The following CSNK1G3 variants were observed in gnomAD, a reference collection of about 807,000 sequenced individuals.
The protein encoded by CSNK1G3 is casein kinase I isoform gamma-3.
Under a neutral mutation model 64.3 loss-of-function variants are expected in CSNK1G3, and 23 were observed. The ratio of observed to expected loss-of-function variants is 0.36; its 90% CI spans 0.26 to 0.51. CSNK1G3 has a LOEUF of 0.51. Ranked by LOEUF, CSNK1G3 falls within the 20% of genes least tolerant of loss-of-function variation. The pLI, the probability that CSNK1G3 is intolerant of heterozygous loss-of-function variation, is 0.96. For missense variants in CSNK1G3, 357 were observed against 510.5 expected (o/e 0.70, Z 2.90); for synonymous variants, 158 against 162.2 (o/e 0.97, Z 0.20).
chr5:123,552,621 T>A (rs939370643), intron 2 of CSNK1G3, among the ~76,000 whole-genome samples: 2 of 152,286 alleles, frequency 1.3e-5, no homozygotes, highest in Non-Finnish European at 2.9e-5. Flanking sequence ...TGAATGTTTT[T>A]AAATATTATT....
intron 4 of CSNK1G3, among the ~76,000 whole-genome samples, chr5:123,568,121 G>A (rs949710655): frequency 1.8e-4 from 27 of 152,126 alleles, no homozygotes; most frequent in African/African-American, 3.9e-4. Context: ...ATGTGCGGTC[G>A]GTGTTGTGGT....
chr5:123,569,954 T>C (rs1247647308), intron 4 of CSNK1G3, among the ~76,000 whole-genome samples: 1 of 152,182 alleles, frequency 6.6e-6, no homozygotes, highest in African/African-American at 2.4e-5. Flanking sequence ...CTTAGCACCC[T>C]TTAAGATAAT....
At chr5:123,546,686 C>T (rs2052486) in intron 2 of CSNK1G3, among the ~76,000 whole-genome samples, 91,643 of 151,848 alleles carry the variant, frequency 0.6, 28,923 homozygotes, top group African/African-American at 0.79. Context: ...AAAAGAAAAT[C>T]TGACTTCTCA....
chr5:123,603,306 G>A, intron 10 of CSNK1G3, among the ~76,000 whole-genome samples: 1 of 152,014 alleles, frequency 6.6e-6, no homozygotes, highest in Admixed American at 6.6e-5. Flanking sequence ...TAAGGGAAAA[G>A]GAAGAAATAA....
intron 2 of CSNK1G3, among the ~76,000 whole-genome samples, chr5:123,550,484 GCAGC>G (rs1422389357): frequency 6.6e-6 from 1 of 152,164 alleles, no homozygotes; most frequent in East Asian, 1.9e-4. Flanking sequence ...CTTTAGCTGG[GCAGC>G]CATTTTCAAG....
intron 10 of CSNK1G3, among the ~76,000 whole-genome samples, chr5:123,602,581 G>A (rs79877924): frequency 0.013 from 1,904 of 152,244 alleles, 126 homozygotes; most frequent in Admixed American, 0.09. Context: ...TGGGTAGGAG[G>A]GGCATCAAAG....
intron 10 of CSNK1G3, among the ~76,000 whole-genome samples, chr5:123,600,158 G>C (rs574471505): frequency 6.6e-6 from 1 of 152,142 alleles, no homozygotes; most frequent in East Asian, 1.9e-4. Context: ...TCTCATTAGT[G>C]TGCTTTCTTA....
chr5:123,516,383 A>T (rs1384815607), intron 1 of CSNK1G3, among the ~76,000 whole-genome samples: 1 of 152,230 alleles, frequency 6.6e-6, no homozygotes, highest in African/African-American at 2.4e-5. Context: ...AGATAAATGT[A>T]GAAATATATA....
rs1476286418 is a variant in CSNK1G3, at chr5:123,539,455, AG to A, written c.-247-5961del. On this transcript the variant is annotated intron_variant, in intron 1 of 12. Transcript: ENST00000345990. ...AGCAGATTAAAAAAAAAAAAAAAAA[AG>A]ATTATCCCTGTGGGTTTTCTTTTTT... Among the ~76,000 whole-genome samples the A allele has an allele frequency of 3.6e-3, 544 of 150,634 alleles. 2 individuals are homozygous for A. The highest frequency in any genetic ancestry group is 0.012 in the African/African-American group (500 of 41,054).
chr5:123,542,849 A>AGTGTGTGTGTGTGTGTGTGTGTGT (rs66645709), intron 1 of CSNK1G3, among the ~76,000 whole-genome samples: 1 of 134,848 alleles, frequency 7.4e-6, no homozygotes, highest in African/African-American at 2.8e-5. Context: ...GCCTAGATTT[A>AGTGTGTGTGTGTGTGTGTGTGTGT]GTGTGTGTGT....
chr5:123,577,260 G>T (rs1259197412), intron 6 of CSNK1G3, among the ~76,000 whole-genome samples: 1 of 151,868 alleles, frequency 6.6e-6, no homozygotes, highest in Non-Finnish European at 1.5e-5. Context: ...TTGGATAATG[G>T]TATTTAGAAA....
In CSNK1G3 at chr5:123,536,873, A is replaced by G. The variant is rs1006929105; in HGVS notation, c.-247-8544A>G. ...CAAATCATCAGGGAAATGCAAATTAAAACCACAATGAGATATCATCTTTCT... is the reference window on the plus strand; with the variant it reads ...CAAATCATCAGGGAAATGCAAATTAGAACCACAATGAGATATCATCTTTCT... On this transcript the variant is annotated intron_variant, in intron 1 of 12. Transcript: ENST00000345990. 2.0e-5 allele frequency among the ~76,000 whole-genome samples: 3 copies of G among 152,190 alleles called. No individual in the cohort carries two copies. The South Asian group carries it at 6.2e-4, about 31-fold the overall frequency.
intron 6 of CSNK1G3, among the ~76,000 whole-genome samples, chr5:123,578,919 T>A (rs1789696589): frequency 6.6e-6 from 1 of 151,974 alleles, no homozygotes; most frequent in African/African-American, 2.4e-5. Flanking sequence ...TCAGAGAAAG[T>A]ACAAACTTAA....
intron 6 of CSNK1G3, among the ~76,000 whole-genome samples, chr5:123,578,212 T>C (rs540057159): frequency 2.1e-4 from 32 of 152,030 alleles, no homozygotes; most frequent in Non-Finnish European, 4.0e-4. Flanking sequence ...ATGGCAGGTA[T>C]TATTTAACTT....
intron 1 of CSNK1G3, among the ~76,000 whole-genome samples, chr5:123,531,476 G>A (rs942280233): frequency 6.6e-6 from 1 of 151,942 alleles, no homozygotes; most frequent in Non-Finnish European, 1.5e-5. Flanking sequence ...GCCAGTGGCT[G>A]ACATTTCTAT....
chr5:123,590,426 T>C (rs1231719612), exon 9 of CSNK1G3: 6 of 1,466,346 alleles, frequency 4.1e-6, no homozygotes, highest in Admixed American at 2.6e-5. Flanking sequence ...TGGCAACATA[T>C]CTTCGTTATG....
At chr5:123,601,348 A>G (rs1238116249) in intron 10 of CSNK1G3, among the ~76,000 whole-genome samples, 2 of 152,166 alleles carry the variant, frequency 1.3e-5, no homozygotes, top group Non-Finnish European at 2.9e-5. Context: ...CCGGTGTTAA[A>G]TAGGCCAGTT....
chr5:123,611,209 C>T (rs1222759008), intron 12 of CSNK1G3, among the ~76,000 whole-genome samples: 1 of 152,174 alleles, frequency 6.6e-6, no homozygotes, highest in Non-Finnish European at 1.5e-5. Context: ...CATCAATTTA[C>T]TTCCTAACTT....
chr5:123,557,604 G>A, intron 4 of CSNK1G3, 40 bp downstream of exon 4: 1 of 1,293,346 alleles, frequency 7.7e-7, no homozygotes, highest in Non-Finnish European at 1.1e-6. Flanking sequence ...AAATAAAGTG[G>A]ATTGTCATGA....
Sources: allele counts gnomAD v4.1 joint callset (sites outside exome capture counted in the v4.1 genomes callset), GRCh38; gene constraint gnomAD v4.1.1; transcripts MANE v1.5; gene names NCBI Gene and HGNC (gene_info 2026-07-23, HGNC 2026-07-21).